WDR31: variants seen among roughly 807,000 people sequenced by gnomAD.
The protein encoded by WDR31 is WD repeat-containing protein 31.
A neutral mutation model predicts 47.3 loss-of-function variants in WDR31; 30 were observed. The ratio of observed to expected loss-of-function variants is 0.63; its 90% CI spans 0.47 to 0.86. WDR31 has a LOEUF of 0.86. WDR31 is among the 40% of genes least tolerant of loss of function. The probability of loss-of-function intolerance (pLI) is 0.00; values close to 1 mark genes in which losing one functional copy is unlikely to be tolerated. For synonymous variants in WDR31, 137 were observed against 159.4 expected (o/e 0.86, Z 1.06); for missense variants, 406 against 442.9 (o/e 0.92, Z 0.75).
In WDR31 at chr9:113,333,539, G is replaced by A. The variant is rs529027536; in HGVS notation, c.-28-1489C>T. 7.3e-4 allele frequency among the ~76,000 whole-genome samples: 110 copies of A among 151,008 alleles called. 1 individual carries two copies. Among genetic ancestry groups the A allele is most frequent in the Admixed American group, 5.9e-4 (9 of 15,230 alleles). On this transcript the variant is annotated intron_variant, in intron 2 of 10. Coordinates refer to ENST00000374193, the MANE Select transcript of WDR31 (RefSeq NM_001012361.4). ...TGGGACTACAGGCGCCCGCCACCGC[G>A]CCCGGCTAATTTTTTGTATTTTTAG...
At chr9:113,331,314 G>C (rs1032447904) in intron 3 of WDR31, among the ~76,000 whole-genome samples, 198 bp from the exon 4 acceptor site, 1 of 152,176 alleles carries the variant, frequency 6.6e-6, no homozygotes, top group Non-Finnish European at 1.5e-5. Context: ...TGTGCAGAAT[G>C]ACTGAAGGAC....
intron 4 of WDR31, among the ~76,000 whole-genome samples, chr9:113,330,062 A>G (rs781304754): frequency 6.6e-6 from 1 of 152,184 alleles, no homozygotes; most frequent in Non-Finnish European, 1.5e-5. Context: ...ATGCAAATGG[A>G]ATTTGAAGAT....
chr9:113,331,429 C>T (rs2118840669), intron 3 of WDR31, among the ~76,000 whole-genome samples: 1 of 152,228 alleles, frequency 6.6e-6, no homozygotes, highest in South Asian at 2.1e-4. Context: ...TGTATGGGTG[C>T]AGACACTAGC....
In WDR31 at chr9:113,318,634, A is replaced by G; in HGVS notation, c.784T>C (p.Trp262Arg). ...CTGTTTCGAGTCTGTCTTAGGTCCC[A>G]CAACTGCAAAGTAATGACATGGACC... ...FGGEGCEATL[W>R]DLRQTRNRIC... The change falls in exon 10 of 11, where the codon TGG becomes CGG. Residue 262 changes from tryptophan to arginine, a missense_variant. By Grantham distance (101) the Trp-to-Arg change is moderately radical (BLOSUM62 -3). Transcript: ENST00000374193. 6.2e-7 allele frequency: 1 copy of G among 1,614,060 alleles called. No individual in the cohort carries two copies. The highest frequency in any genetic ancestry group is 1.3e-5 in the African/African-American group (1 of 75,042).
intron 2 of WDR31, among the ~76,000 whole-genome samples, chr9:113,335,241 T>A (rs1447458982): frequency 6.6e-6 from 1 of 152,096 alleles, no homozygotes; most frequent in Non-Finnish European, 1.5e-5. Context: ...TTTGTGTAGG[T>A]CCTATACCAG....
intron 5 of WDR31, among the ~76,000 whole-genome samples, chr9:113,325,398 T>A (rs1296268609): frequency 6.6e-6 from 1 of 152,210 alleles, no homozygotes; most frequent in East Asian, 1.9e-4. Context: ...TCTTTTCTGT[T>A]GGTTTTTGAA....
chr9:113,328,984 T>C (rs1452675415), intron 4 of WDR31, 29 bp from the exon 5 acceptor site: 1 of 1,588,666 alleles, frequency 6.3e-7, no homozygotes, highest in South Asian at 1.1e-5. Flanking sequence ...GTAGTTTCAT[T>C]ACTCAATTCT....
In WDR31 at chr9:113,337,297, T is replaced by C. The variant is rs1396747564; in HGVS notation, c.-181-857A>G. ...TTAAAAGGTACCAGGAACTGCTCTA[T>C]GTTTTATATTTATTAACTCATTTTA... On this transcript the variant is annotated intron_variant, in intron 1 of 10. Transcript: ENST00000374193. Among the ~76,000 whole-genome samples the C allele has an allele frequency of 6.6e-5, 10 of 151,974 alleles. 1 individual carries two copies. Among genetic ancestry groups the C allele is most frequent in the African/African-American group, 2.4e-4 (10 of 41,222 alleles).
chr9:113,318,326 A>T, intron 10 of WDR31, 149 bp downstream of exon 10: 2 of 831,730 alleles, frequency 2.4e-6, no homozygotes, highest in Non-Finnish European at 3.8e-6. Flanking sequence ...TACAGGGGAT[A>T]GCATCTTGAC....
In WDR31 at chr9:113,326,907, C is replaced by G. The variant is rs181962820; in HGVS notation, c.324+1974G>C. ...GCTGGATGCAGTGAAATCATCACAGCTCACTATGGCTTCAACCTCATGGAC... is the reference window on the plus strand; with the variant it reads ...GCTGGATGCAGTGAAATCATCACAGGTCACTATGGCTTCAACCTCATGGAC... On this transcript the variant is annotated intron_variant, in intron 5 of 10. Transcript: ENST00000374193. Among the ~76,000 whole-genome samples, 5 of 152,274 alleles carry G rather than the reference C, an allele frequency of 3.3e-5. No individual in the cohort carries two copies. The East Asian group carries it at 9.6e-4, about 29-fold the overall frequency.
intron 1 of WDR31, among the ~76,000 whole-genome samples, 153 bp downstream of exon 1, chr9:113,340,064 A>G (rs1346834876): frequency 6.6e-6 from 1 of 152,144 alleles, no homozygotes; most frequent in Non-Finnish European, 1.5e-5. Context: ...GTATGTGGAA[A>G]GCGGGGAGAA....
intron 9 of WDR31, 119 bp from the exon 10 acceptor site, chr9:113,318,756 C>T: frequency 9.8e-7 from 1 of 1,025,160 alleles, no homozygotes; most frequent in Non-Finnish European, 1.4e-6. Context: ...CACGTAGCTA[C>T]CCCTTATCTT....
At chr9:113,328,828 G>A in intron 5 of WDR31, 53 bp downstream of exon 5, 1 of 1,402,176 alleles carries the variant, frequency 7.1e-7, no homozygotes, top group Non-Finnish European at 1.0e-6. Flanking sequence ...AGAACTATTA[G>A]CTATCCTTTA....
At chr9:113,318,182 A>G (rs1272278611) in intron 10 of WDR31, among the ~76,000 whole-genome samples, 2 of 152,234 alleles carry the variant, frequency 1.3e-5, no homozygotes, top group Non-Finnish European at 2.9e-5. Context: ...AAAAGTCACA[A>G]TTCTTGTTCT....
chr9:113,322,863 C>G lies in WDR31; in HGVS notation c.518G>C (p.Trp173Ser), dbSNP rs375336861. 5.0e-6 allele frequency: 8 copies of G among 1,614,066 alleles called. No homozygotes were observed. Among genetic ancestry groups the G allele is most frequent in the Non-Finnish European group, 6.8e-6 (8 of 1,180,048 alleles). ...TGSRDNTLLL[W>S]DVVTGQSVER... ...CACACTCTGTCCTGTCACCACATCC[C>G]ACAGAAGCAGGGTGTTGTCCCGAGA... The change falls in exon 7 of 11, where the codon TGG (tryptophan) becomes TCG (serine). Residue 173 changes from tryptophan (W) to serine (S), a missense_variant. Transcript: ENST00000374193.
At chr9:113,337,896 C>A (rs1833751230) in intron 1 of WDR31, among the ~76,000 whole-genome samples, 1 of 152,212 alleles carries the variant, frequency 6.6e-6, no homozygotes, top group African/African-American at 2.4e-5. Context: ...GGATACTCAA[C>A]CTGTATGGCC....
intron 9 of WDR31, among the ~76,000 whole-genome samples, 191 bp downstream of exon 9, chr9:113,320,166 C>T (rs539284053): frequency 1.3e-5 from 2 of 152,302 alleles, no homozygotes; most frequent in African/African-American, 2.4e-5. Context: ...TTAATCCTCC[C>T]GCCTTGGCCT....
chr9:113,320,331 T>C (rs1199318217), intron 9 of WDR31, 26 bp downstream of exon 9: 14 of 1,612,304 alleles, frequency 8.7e-6, no homozygotes, highest in African/African-American at 8.0e-5. Flanking sequence ...AGCAACCAGA[T>C]ACCTGGACCT....
chr9:113,318,486 T>C lies in WDR31; in HGVS notation c.932A>G (p.Gln311Arg), dbSNP rs145999003. The change falls in exon 10 of 11, where the codon CAA becomes CGA. Residue 311 changes from glutamine to arginine, a missense_variant. Gln to Arg is a conservative substitution (Grantham distance 43, BLOSUM62 1). Coordinates refer to ENST00000374193, the MANE Select transcript of WDR31 (RefSeq NM_001012361.4). ...SHDCKVKIWNQDTGACLFTLS... is the reference protein window; with the variant it reads ...SHDCKVKIWNRDTGACLFTLS... Reference sequence around the variant, plus strand: ...AGCAGGCTGCTTACCTCCAGTATCTTGGTTCCAAATCTTCACCTTGCAATC... The same window carrying C: ...AGCAGGCTGCTTACCTCCAGTATCTCGGTTCCAAATCTTCACCTTGCAATC... The C allele has an allele frequency of 1.1e-4, 176 of 1,614,124 alleles. No homozygotes were observed. Among genetic ancestry groups the C allele is most frequent in the Non-Finnish European group, 1.5e-4 (173 of 1,180,046 alleles).
Sources: allele counts gnomAD v4.1 joint callset (sites outside exome capture counted in the v4.1 genomes callset), GRCh38; gene constraint gnomAD v4.1.1; transcripts MANE v1.5; gene names NCBI Gene and HGNC (gene_info 2026-07-23, HGNC 2026-07-21).